ZNF106: variants seen among roughly 807,000 people sequenced by gnomAD.
The protein encoded by ZNF106 is zinc finger protein 106.
In ZNF106, 67 loss-of-function variants were observed where a neutral mutation model predicts 195.1. The ratio of observed to expected loss-of-function variants is 0.34; its 90% CI spans 0.28 to 0.42. ZNF106 has a LOEUF of 0.42. ZNF106 is among the 10% of genes least tolerant of loss of function. The pLI is 1.00. For missense variants in ZNF106, 2,118 were observed against 2,304.5 expected (o/e 0.92, Z 1.66); for synonymous variants, 784 against 818.6 (o/e 0.96, Z 0.72).
chr15:42,442,614 CTTT>C (rs1209709879), intron 9 of ZNF106, among the ~76,000 whole-genome samples, 200 bp from the exon 10 acceptor site: 10 of 123,596 alleles, frequency 8.1e-5, no homozygotes, highest in East Asian at 2.3e-4. Flanking sequence ...CATCAACATT[CTTT>C]TTTTTTTTTT....
intron 20 of ZNF106, among the ~76,000 whole-genome samples, chr15:42,418,916 A>G (rs973398445): frequency 6.6e-6 from 1 of 151,972 alleles, no homozygotes; most frequent in Non-Finnish European, 1.5e-5. Context: ...ATTAGAAAGC[A>G]TAAGCTAGTG....
At chr15:42,438,094 C>T (rs574794420) in intron 12 of ZNF106, among the ~76,000 whole-genome samples, 1 of 151,428 alleles carries the variant, frequency 6.6e-6, no homozygotes, top group East Asian at 2.0e-4. Context: ...CCGGATAAGA[C>T]AGATGAGAAA....
chr15:42,425,985 C>T (rs1388590094), intron 15 of ZNF106, among the ~76,000 whole-genome samples: 2 of 152,294 alleles, frequency 1.3e-5, no homozygotes, highest in South Asian at 2.1e-4. Context: ...TTAAGCCTCC[C>T]ACTTCCACAG....
intron 1 of ZNF106, among the ~76,000 whole-genome samples, chr15:42,483,061 AC>A (rs761148704): frequency 6.6e-6 from 1 of 152,078 alleles, no homozygotes; most frequent in Non-Finnish European, 1.5e-5. Flanking sequence ...AATTTTAAGC[AC>A]CCTACATGAC....
At chr15:42,423,361 C>A (rs1235657348) in intron 17 of ZNF106, among the ~76,000 whole-genome samples, 2 of 151,106 alleles carry the variant, frequency 1.3e-5, no homozygotes, top group African/African-American at 4.9e-5. Context: ...CAAAGTGAGA[C>A]CCCTATCTCA....
chr15:42,452,007 T>C (rs1044498038), intron 4 of ZNF106, 53 bp from the exon 5 acceptor site: 5 of 1,546,696 alleles, frequency 3.2e-6, no homozygotes, highest in Admixed American at 3.8e-5. Flanking sequence ...CTATGCTACC[T>C]TGAAAGGCAT....
chr15:42,446,722 A>C (rs1276435025), intron 6 of ZNF106, 64 bp from the exon 7 acceptor site: 1 of 1,364,416 alleles, frequency 7.3e-7, no homozygotes, highest in East Asian at 2.4e-5. Flanking sequence ...AGAGGAGAAA[A>C]AGGAATCAAT....
intron 8 of ZNF106, 144 bp downstream of exon 8, chr15:42,444,682 TC>T: frequency 1.0e-6 from 1 of 960,728 alleles, no homozygotes; most frequent in East Asian, 2.6e-5. Flanking sequence ...ATCCTAACTG[TC>T]CCCCATTAGG....
intron 20 of ZNF106, 26 bp downstream of exon 20, chr15:42,421,035 G>A: frequency 3.1e-6 from 5 of 1,610,608 alleles, no homozygotes; most frequent in Admixed American, 1.7e-5. Flanking sequence ...TAGAAGTCCA[G>A]TGACAGGAAG....
rs147770791 is a variant in ZNF106 at position 42,451,024 on chromosome 15, T to G, written c.1248A>C (p.Gln416His). The change falls in exon 5 of 22, where the codon CAA becomes CAC. Residue 416 changes from glutamine (Q) to histidine (H), a missense_variant. Transcript: ENST00000564754. Reference protein sequence around the residue: ...SLITTGIQEPQTDETRNSPTQ... With the variant: ...SLITTGIQEPHTDETRNSPTQ... ...TTGGGGAATTACGTGTTTCATCAGT[T>G]TGGGGCTCCTGTATTCCTGTAGTTA... The G allele has an allele frequency of 6.2e-7, 1 of 1,614,224 alleles. No individual in the cohort carries two copies.
chr15:42,467,078 A>G (rs1299198114), intron 2 of ZNF106, among the ~76,000 whole-genome samples: 1 of 152,154 alleles, frequency 6.6e-6, no homozygotes, highest in African/African-American at 2.4e-5. Context: ...GGCTACAGTG[A>G]GCCGAGATTG....
At position 42,450,793 on chromosome 15, in the gene ZNF106, C is replaced by A. The variant is rs760777624; in HGVS notation, c.1479G>T (p.Lys493Asn). The A allele has an allele frequency of 6.2e-7, 1 of 1,614,058 alleles. No homozygotes were observed. Among genetic ancestry groups the A allele is most frequent in the Admixed American group, 1.7e-5 (1 of 60,014 alleles). ...TTGTTTTGGTGTTTTTTGAGATATT[C>A]TTTGGATCTTGCTTTTGAGACAATG... ...TKSLSQKQDP[K>N]NISKNTKTNF... Residue 493 changes from lysine (K) to asparagine (N), a missense_variant, in exon 5 of 22, where the codon AAG (lysine) becomes AAT (asparagine). Transcript: ENST00000564754.
intron 13 of ZNF106, 33 bp from the exon 14 acceptor site, chr15:42,435,551 A>G: frequency 6.2e-7 from 1 of 1,613,352 alleles, no homozygotes; most frequent in South Asian, 1.1e-5. Flanking sequence ...ATTATTACTT[A>G]TGAGATATAG....
At position 42,421,962 on chromosome 15, in the gene ZNF106, T is replaced by C. The variant is rs773290304; in HGVS notation, c.5400A>G (p.Gly1800=). 3 of 1,584,484 alleles carry C rather than the reference T, an allele frequency of 1.9e-6. No homozygotes were observed. Among genetic ancestry groups the C allele is most frequent in the East Asian group, 2.2e-5 (1 of 44,514 alleles). Residue 1800 remains glycine, a synonymous_variant, in exon 19 of 22, where the codon GGA becomes GGG. Coordinates refer to ENST00000564754, the MANE Select transcript of ZNF106 (RefSeq NM_001366845.3). ...LQSHDRLQVY[G]GHKDMIMCMT... ...TACACATAATCATGTCTTTGTGTCCTCCATAAACTTGTAATCGATCATGAG... is the reference window on the plus strand; with the variant it reads ...TACACATAATCATGTCTTTGTGTCCCCCATAAACTTGTAATCGATCATGAG...
rs988459046 is a variant in ZNF106 at position 42,433,082 on chromosome 15, C to T, written c.4881+2302G>A. Among the ~76,000 whole-genome samples, 3 of 152,064 alleles carry T rather than the reference C, an allele frequency of 2.0e-5. No individual in the cohort carries two copies. The East Asian group carries it at 5.8e-4, about 29-fold the overall frequency. On this transcript the variant is annotated intron_variant, in intron 14 of 21. Coordinates refer to ENST00000564754, the MANE Select transcript of ZNF106 (RefSeq NM_001366845.3). ...ATTCCTCTATTTCTCCTTCTACCTT[C>T]TCTTGTATTAAGTATATTTTTATTT...
intron 3 of ZNF106, 75 bp downstream of exon 3, chr15:42,465,978 A>C: frequency 7.9e-7 from 1 of 1,259,896 alleles, no homozygotes; most frequent in Non-Finnish European, 1.1e-6. Flanking sequence ...ATTACTGCAA[A>C]ACAAACTGAC....
intron 4 of ZNF106, among the ~76,000 whole-genome samples, chr15:42,454,686 C>T (rs911305354): frequency 3.3e-5 from 5 of 151,706 alleles, no homozygotes; most frequent in African/African-American, 1.2e-4. Flanking sequence ...AAGTTCGAGG[C>T]CAGCCTGGGT....
At position 42,442,334 on chromosome 15, in the gene ZNF106, A is replaced by G; in HGVS notation, c.3502T>C (p.Ser1168Pro). The change falls in exon 10 of 22, where the codon TCC (serine) becomes CCC (proline). Residue 1168 changes from serine (S) to proline (P), a missense_variant. Coordinates refer to ENST00000564754, the MANE Select transcript of ZNF106 (RefSeq NM_001366845.3). ...GTGGGCAGCAGTGCGGCATCAATGG[A>G]TGTTTGAGATCTACTGTTCCTTCGT... ...RERRNSRSQTSIDAALLPTPF... is the reference protein window; with the variant it reads ...RERRNSRSQTPIDAALLPTPF... 6.2e-7 allele frequency: 1 copy of G among 1,614,176 alleles called. No individual in the cohort carries two copies. Among genetic ancestry groups the G allele is most frequent in the African/African-American group, 1.3e-5 (1 of 75,048 alleles).
At chr15:42,442,958 A>G (rs140165496) in intron 9 of ZNF106, among the ~76,000 whole-genome samples, 2,270 of 151,882 alleles carry the variant, frequency 0.015, 57 homozygotes, top group African/African-American at 0.052. Flanking sequence ...TAATTTTTGT[A>G]TTTTTAGTAG....
Sources: gnomAD v4.1 joint callset for allele counts (sites outside exome capture counted in the v4.1 genomes callset) on GRCh38, gnomAD v4.1.1 for gene constraint, MANE v1.5 for transcripts, NCBI Gene and HGNC (gene_info 2026-07-23, HGNC 2026-07-21) for gene names.